The following SPATA6 variants were observed in gnomAD, a reference collection of about 807,000 sequenced individuals.
SPATA6 encodes the protein spermatogenesis associated 6, also known as spermatogenesis-associated protein 6.
In SPATA6, 56 loss-of-function variants were observed where a neutral mutation model predicts 65.3. That is an observed-to-expected ratio of 0.86 (90% CI 0.69 to 1.07). The LOEUF (loss-of-function observed/expected upper bound fraction) is 1.07, where lower values mean the gene tolerates loss of function less well. SPATA6 is among the 50% of genes least tolerant of loss of function. The pLI is 0.00. For synonymous variants in SPATA6, 199 were observed against 213.2 expected (o/e 0.93, Z 0.58); for missense variants, 590 against 594.8 (o/e 0.99, Z 0.08).
Position 48,362,204 on chromosome 1 carries a change from T to G in SPATA6, c.910-2434A>C, listed in dbSNP as rs115995556. Among the ~76,000 whole-genome samples the G allele has an allele frequency of 2.7e-3, 410 of 151,924 alleles. 1 individual carries two copies. Among genetic ancestry groups the G allele is most frequent in the Admixed American group, 6.9e-3 (105 of 15,220 alleles). On this transcript the variant is annotated intron_variant, in intron 9 of 12. Transcript: ENST00000371847. ...AGGAGTTCTATGTTGCAGTGAGCTATGACTGCACCACTGCACTCCAGCCTG... is the reference window on the plus strand; with the variant it reads ...AGGAGTTCTATGTTGCAGTGAGCTAGGACTGCACCACTGCACTCCAGCCTG...
chr1:48,287,287 C>T, the SPATA6 span, among the ~76,000 whole-genome samples: 2 of 152,118 alleles, frequency 1.3e-5, no homozygotes, highest in African/African-American at 2.4e-5. Context: ...GGGATGGTGC[C>T]AAACCATTTA....
intron 8 of SPATA6, among the ~76,000 whole-genome samples, chr1:48,394,481 A>C (rs2147907703): frequency 6.6e-6 from 1 of 152,222 alleles, no homozygotes; most frequent in South Asian, 2.1e-4. Context: ...TGTGGATATA[A>C]AAGACCTGTT....
chr1:48,320,544 A>G (rs765075322), intron 11 of SPATA6, among the ~76,000 whole-genome samples: 8 of 152,242 alleles, frequency 5.3e-5, no homozygotes, highest in Non-Finnish European at 1.0e-4. Flanking sequence ...AAGGAGAAAT[A>G]AAGACTTTCC....
intron 11 of SPATA6, among the ~76,000 whole-genome samples, chr1:48,336,183 G>A (rs1646054098): frequency 6.6e-6 from 1 of 152,062 alleles, no homozygotes; most frequent in African/African-American, 2.4e-5. Flanking sequence ...CTGCTGGCTG[G>A]AGTGTAAATT....
At chr1:48,327,763 A>G (rs1645805567) in intron 11 of SPATA6, among the ~76,000 whole-genome samples, 1 of 152,214 alleles carries the variant, frequency 6.6e-6, no homozygotes, top group Admixed American at 6.5e-5. Flanking sequence ...AAGATAAACA[A>G]TAGGTGCACT....
At chr1:48,267,092 T>C in the SPATA6 span, among the ~76,000 whole-genome samples, 210 of 152,122 alleles carry the variant, frequency 1.4e-3, no homozygotes, top group Non-Finnish European at 2.0e-3. Flanking sequence ...ATAAATATTA[T>C]TTATAGAGCC....
chr1:48,410,095 A>G (rs1652075798), intron 5 of SPATA6, among the ~76,000 whole-genome samples: 1 of 152,098 alleles, frequency 6.6e-6, no homozygotes, highest in Non-Finnish European at 1.5e-5. Context: ...TTTATGTTCC[A>G]TTTCCCTTTT....
chr1:48,471,397 G>C (rs1490952869), intron 1 of SPATA6, among the ~76,000 whole-genome samples: 1 of 152,182 alleles, frequency 6.6e-6, no homozygotes, highest in East Asian at 1.9e-4. Context: ...GTAAGGCCCT[G>C]GGAGGGAAGG....
At chr1:48,283,468 C>G in the SPATA6 span, among the ~76,000 whole-genome samples, 4 of 151,042 alleles carry the variant, frequency 2.6e-5, no homozygotes, top group East Asian at 3.9e-4. Context: ...ATCATGAGGT[C>G]AAGAGATTGA....
chr1:48,445,069 G>C (rs942591752), intron 3 of SPATA6, among the ~76,000 whole-genome samples: 2 of 152,170 alleles, frequency 1.3e-5, no homozygotes, highest in African/African-American at 4.8e-5. Context: ...ATGTATATAT[G>C]ACTCAATTCC....
At chr1:48,311,744 C>T (rs1345683471) in intron 11 of SPATA6, among the ~76,000 whole-genome samples, 3 of 152,088 alleles carry the variant, frequency 2.0e-5, no homozygotes, top group Admixed American at 6.6e-5. Context: ...TGCAGTGCAC[C>T]GAGCGTGAGC....
chr1:48,285,921 G>A, the SPATA6 span, among the ~76,000 whole-genome samples: 1 of 152,022 alleles, frequency 6.6e-6, no homozygotes, highest in Non-Finnish European at 1.5e-5. Flanking sequence ...CTTTTTTTGA[G>A]GAGACTATCC....
intron 1 of SPATA6, among the ~76,000 whole-genome samples, chr1:48,463,157 C>T (rs1657571968): frequency 6.6e-6 from 1 of 152,126 alleles, no homozygotes; most frequent in Admixed American, 6.6e-5. Context: ...TTGCAGGCAG[C>T]ATATCATGGG....
intron 5 of SPATA6, among the ~76,000 whole-genome samples, chr1:48,405,294 T>G (rs564709031): frequency 6.6e-6 from 1 of 152,348 alleles, no homozygotes; most frequent in Non-Finnish European, 1.5e-5. Context: ...TATATCTACT[T>G]GTTAATTACC....
At chr1:48,335,169 G>T (rs1187800225) in intron 11 of SPATA6, among the ~76,000 whole-genome samples, 1 of 152,042 alleles carries the variant, frequency 6.6e-6, no homozygotes, top group East Asian at 1.9e-4. Context: ...CATGCTCATG[G>T]ATAGGAAGAA....
At chr1:48,277,248 C>T in the SPATA6 span, among the ~76,000 whole-genome samples, 23 of 152,168 alleles carry the variant, frequency 1.5e-4, no homozygotes, top group South Asian at 3.5e-3. Flanking sequence ...CCAGCGTGAG[C>T]GATGCAGAAG....
intron 9 of SPATA6, among the ~76,000 whole-genome samples, chr1:48,371,160 G>A (rs1010380893): frequency 2.6e-5 from 4 of 152,028 alleles, no homozygotes; most frequent in African/African-American, 7.2e-5. Context: ...TACAAGGATG[G>A]ATTATCATTA....
chr1:48,378,637 G>T (rs541427494), intron 9 of SPATA6, among the ~76,000 whole-genome samples: 1 of 152,294 alleles, frequency 6.6e-6, no homozygotes, highest in South Asian at 2.1e-4. Context: ...AAACCCATCA[G>T]ATCTCATGAG....
At chr1:48,345,931 C>G (rs1161206092) in intron 11 of SPATA6, among the ~76,000 whole-genome samples, 2 of 152,072 alleles carry the variant, frequency 1.3e-5, no homozygotes, top group African/African-American at 4.8e-5. Flanking sequence ...AGAGATGGTA[C>G]TATTCTTACT....
Sources: gnomAD v4.1 joint callset for allele counts (sites outside exome capture counted in the v4.1 genomes callset) on GRCh38, gnomAD v4.1.1 for gene constraint, MANE v1.5 for transcripts, NCBI Gene and HGNC (gene_info 2026-07-23, HGNC 2026-07-21) for gene names.